The following PCDHGA2 variants were observed in gnomAD, a reference collection of about 807,000 sequenced individuals.
PCDHGA2 encodes the protein protocadherin gamma-A2.
PCDHGA2 carries 40 observed loss-of-function variants against 59.2 expected under a neutral mutation model. The observed-to-expected ratio is 0.68, with a 90% CI of 0.52 to 0.88. PCDHGA2 has a LOEUF of 0.88. PCDHGA2 is among the 40% of genes least tolerant of loss of function. The pLI, the probability that PCDHGA2 is intolerant of heterozygous loss-of-function variation, is 0.00. For synonymous variants in PCDHGA2, 560 were observed against 526.0 expected (o/e 1.06, Z -0.89); for missense variants, 1,226 against 1,204.0 (o/e 1.02, Z -0.27).
At chr5:141,362,691 T>C (rs1762634639) in intron 1 of PCDHGA2, 2 of 1,109,006 alleles carry the variant, frequency 1.8e-6, no homozygotes, top group South Asian at 1.7e-5. Context: ...TAATCTTATC[T>C]AACTGAATTT....
At chr5:141,445,538 G>A (rs1188324168) in intron 1 of PCDHGA2, among the ~76,000 whole-genome samples, 1 of 152,168 alleles carries the variant, frequency 6.6e-6, no homozygotes, top group African/African-American at 2.4e-5. Flanking sequence ...AGCCAACAAG[G>A]AGAAATACAA....
chr5:141,361,195 A>T (rs369211493), intron 1 of PCDHGA2: 1 of 1,613,574 alleles, frequency 6.2e-7, no homozygotes, highest in Non-Finnish European at 8.5e-7. Context: ...TTCAGTATCT[A>T]CTCCCCTACC....
At position 141,476,573 on chromosome 5, in the gene PCDHGA2, C is replaced by T; in HGVS notation, c.2425-18234C>T. 6.2e-7 allele frequency: 1 copy of T among 1,614,216 alleles called. No homozygotes were observed. Among genetic ancestry groups the T allele is most frequent in the Non-Finnish European group, 8.5e-7 (1 of 1,180,038 alleles). On this transcript the variant is annotated intron_variant, in intron 1 of 3. Coordinates refer to ENST00000394576, the MANE Select transcript of PCDHGA2 (RefSeq NM_018915.4). The surrounding 1 kb of genome is among the most constrained non-coding windows in gnomAD (Gnocchi z 7.6). ...TAGCGAGGCCGTGGCTCCGGGGACG[C>T]GCTTTCCGCTCGAGAGCGCGCACGA... is the stretch of plus-strand genomic sequence containing the variant.
At chr5:141,346,895 G>GT (rs1757823698) in intron 1 of PCDHGA2, among the ~76,000 whole-genome samples, 1 of 152,128 alleles carries the variant, frequency 6.6e-6, no homozygotes, top group Non-Finnish European at 1.5e-5. Flanking sequence ...AGCTTATCCT[G>GT]ATACATACAA....
At position 141,392,979 on chromosome 5, in the gene PCDHGA2, C is replaced by A. The variant is rs1356713892; in HGVS notation, c.2424+51584C>A. 1.9e-6 allele frequency: 3 copies of A among 1,613,718 alleles called. No individual in the cohort carries two copies. In the South Asian group the frequency reaches 3.3e-5, roughly 18 times the overall value. ...TATCTCCAAGGACCTGGGGCTGGACCCCCGGAAGCTGGCGAAGCACGGAGT... is the reference window on the plus strand; with the variant it reads ...TATCTCCAAGGACCTGGGGCTGGACACCCGGAAGCTGGCGAAGCACGGAGT... On this transcript the variant is annotated intron_variant, in intron 1 of 3. Transcript: ENST00000394576.
intron 1 of PCDHGA2, chr5:141,409,807 C>T (rs1561723178): frequency 1.2e-6 from 2 of 1,611,592 alleles, no homozygotes; most frequent in Non-Finnish European, 1.7e-6. Flanking sequence ...TGCAGGCCCG[C>T]GACCACGGCT....
chr5:141,385,298 G>A (rs1409031209), intron 1 of PCDHGA2: 2 of 1,612,982 alleles, frequency 1.2e-6, no homozygotes, highest in Non-Finnish European at 8.5e-7. Context: ...TTTCAGGAAT[G>A]TAAAGAAAAC....
At chr5:141,441,499 GCCT>G (rs1350774469) in intron 1 of PCDHGA2, 5 of 169,932 alleles carry the variant, frequency 2.9e-5, no homozygotes, top group African/African-American at 1.2e-4. Context: ...TTTCTACCAG[GCCT>G]CCTACGTCGT....
chr5:141,465,546 T>C (rs572856697), intron 1 of PCDHGA2, among the ~76,000 whole-genome samples: 1 of 152,338 alleles, frequency 6.6e-6, no homozygotes, highest in South Asian at 2.1e-4. Context: ...GCATTTTTTC[T>C]GCTGAAGCTT....
intron 1 of PCDHGA2, chr5:141,423,157 G>T: frequency 1.9e-6 from 3 of 1,610,820 alleles, no homozygotes; most frequent in East Asian, 2.2e-5. Context: ...GCAGAGCCTC[G>T]TGGTGGCCGT....
At chr5:141,386,678 G>T (rs1376452903) in intron 1 of PCDHGA2, among the ~76,000 whole-genome samples, 2 of 152,012 alleles carry the variant, frequency 1.3e-5, no homozygotes, top group African/African-American at 4.8e-5. Context: ...CATTTCAGAT[G>T]TACAATCACT....
chr5:141,402,855 T>G, intron 1 of PCDHGA2: 1 of 1,425,070 alleles, frequency 7.0e-7, no homozygotes, highest in Non-Finnish European at 9.2e-7. Flanking sequence ...CTCTTTCTTC[T>G]AAGGAAAAGA....
intron 1 of PCDHGA2, chr5:141,345,449 C>A: frequency 6.2e-7 from 1 of 1,614,152 alleles, no homozygotes; most frequent in African/African-American, 1.3e-5. Context: ...CCTCCATCTT[C>A]TCAGTGACAG....
rs1562063782 is a variant in PCDHGA2, at chr5:141,477,676, A to G, written c.2425-17131A>G. ...TAAATCGTGACAATGGCATAGTGTC[A>G]TCCTTAGTGCCCCTAGACTATGAGG... On this transcript the variant is annotated intron_variant, in intron 1 of 3. Coordinates refer to ENST00000394576, the MANE Select transcript of PCDHGA2 (RefSeq NM_018915.4). This position sits in a 1 kb window ranked among gnomAD's most constrained non-coding sequence, Gnocchi z 4.9. The G allele has an allele frequency of 1.2e-6, 2 of 1,614,194 alleles. No homozygotes were observed. The highest frequency in any genetic ancestry group is 1.7e-6 in the Non-Finnish European group (2 of 1,180,046).
intron 1 of PCDHGA2, chr5:141,415,029 G>C (rs777967290): frequency 6.2e-7 from 1 of 1,613,552 alleles, no homozygotes; most frequent in South Asian, 1.1e-5. Flanking sequence ...CCAGCGAGCC[G>C]GGACTCTTCG....
At position 141,376,322 on chromosome 5, in the gene PCDHGA2, C is replaced by A. The variant is rs750074970; in HGVS notation, c.2424+34927C>A. On this transcript the variant is annotated intron_variant, in intron 1 of 3. Transcript: ENST00000394576. ...GCACTTTGTGGGCGTGGAAGGGGTTCGGGCTTTCCTGCAGACCTATTCCCA... is the reference window on the plus strand; with the variant it reads ...GCACTTTGTGGGCGTGGAAGGGGTTAGGGCTTTCCTGCAGACCTATTCCCA... The A allele has an allele frequency of 9.3e-6, 15 of 1,614,056 alleles. No individual in the cohort carries two copies. The Admixed American group carries it at 1.2e-4, about 13-fold the overall frequency.
chr5:141,403,079 T>C (rs770770660), intron 1 of PCDHGA2: 3 of 1,614,064 alleles, frequency 1.9e-6, no homozygotes, highest in Non-Finnish European at 1.7e-6. Flanking sequence ...AGAAAAGGGC[T>C]ATATTGTGGG....
At chr5:141,464,931 G>T (rs2099093694) in intron 1 of PCDHGA2, among the ~76,000 whole-genome samples, 1 of 151,942 alleles carries the variant, frequency 6.6e-6, no homozygotes, top group Non-Finnish European at 1.5e-5. Context: ...GTAGAGATGT[G>T]AGGTCTCACT....
At chr5:141,451,812 C>T (rs974567828) in intron 1 of PCDHGA2, among the ~76,000 whole-genome samples, 1 of 149,686 alleles carries the variant, frequency 6.7e-6, no homozygotes, top group Non-Finnish European at 1.5e-5. Context: ...ACCCAGGAGG[C>T]GGAGGTTACA....
Sources: allele counts gnomAD v4.1 joint callset (sites outside exome capture counted in the v4.1 genomes callset), GRCh38; gene constraint gnomAD v4.1.1; non-coding constraint Gnocchi (gnomAD v3.1); transcripts MANE v1.5; gene names NCBI Gene and HGNC (gene_info 2026-07-23, HGNC 2026-07-21).